GOLM2: variants seen among roughly 807,000 people sequenced by gnomAD.
GOLM2 encodes the protein golgi membrane protein 2, also known as protein GOLM2.
Under a neutral mutation model 55.9 loss-of-function variants are expected in GOLM2, and 26 were observed. The observed-to-expected ratio is 0.47, with a 90% CI of 0.34 to 0.65. The LOEUF is 0.65. Ranked by LOEUF, GOLM2 falls within the 30% of genes least tolerant of loss-of-function variation. The pLI, the probability that GOLM2 is intolerant of heterozygous loss-of-function variation, is 0.01. For synonymous variants in GOLM2, 165 were observed against 194.6 expected, an observed-to-expected ratio of 0.85 and a Z score of 1.27; for missense variants, 486 against 531.8, an observed-to-expected ratio of 0.91 and a Z score of 0.85.
At chr15:44,352,465 A>G (rs2079171085) in intron 6 of GOLM2, among the ~76,000 whole-genome samples, 1 of 152,184 alleles carries the variant, frequency 6.6e-6, no homozygotes, top group African/African-American at 2.4e-5. Flanking sequence ...CTATGAAACT[A>G]CTAAAAACAA....
chr15:44,289,224 G>A lies in GOLM2; in HGVS notation c.195G>A (p.Lys65=). 6.2e-7 allele frequency: 1 copy of A among 1,614,218 alleles called. No individual in the cohort carries two copies. The highest frequency in any genetic ancestry group is 1.1e-5 in the South Asian group (1 of 91,092). ...RTEVARGRLE[K]RNSDLLLLVD... is the part of the protein sequence containing the mutation. ...AAGTGGCCCGCGGGCGGCTGGAAAA[G>A]CGCAATTCGGACCTCTTGCTGTTGG... The change falls in exon 1 of 10, where the codon AAG becomes AAA. Residue 65 remains lysine (K), a synonymous_variant. Coordinates refer to ENST00000299957, the MANE Select transcript of GOLM2 (RefSeq NM_138423.4). This position sits in a 1 kb window ranked among gnomAD's most constrained non-coding sequence, Gnocchi z 4.8.
rs2078700120 is a variant in GOLM2 at position 44,288,982 on chromosome 15, T to G, written c.-48T>G. The G allele has an allele frequency of 6.5e-7, 1 of 1,528,346 alleles. No individual in the cohort carries two copies. The highest frequency in any genetic ancestry group is 8.9e-7 in the Non-Finnish European group (1 of 1,121,648). The allele number at this position is 1,528,346 out of a possible 1,614,324, so 94.7% of individuals were successfully genotyped here. ...TCCAGCCGAGGCCTGGGCTTCTGCC[T>G]GCAGGTGTCTGCGGCGAGGCCCCTA... On this transcript the variant is annotated 5_prime_UTR_variant, in exon 1 of 10. Coordinates refer to ENST00000299957, the MANE Select transcript of GOLM2 (RefSeq NM_138423.4).
rs989784244 is a variant in GOLM2, at chr15:44,289,548, C to T, written c.327+192C>T. Among the ~76,000 whole-genome samples, 15 of 152,120 alleles carry T rather than the reference C, an allele frequency of 9.9e-5. No individual in the cohort carries two copies. Among genetic ancestry groups the T allele is most frequent in the African/African-American group, 3.6e-4 (15 of 41,410 alleles). On this transcript the variant is annotated intron_variant, in intron 1 of 9. Coordinates refer to ENST00000299957, the MANE Select transcript of GOLM2 (RefSeq NM_138423.4). The surrounding 1 kb of genome is among the most constrained non-coding windows in gnomAD (Gnocchi z 4.8). ...CAGTGCCACGTTCTCTGGTCCCTGC[C>T]AGAAAAAAATGACTGTAAATTCTGG...
chr15:44,351,911 A>G (rs2079167651), intron 6 of GOLM2, among the ~76,000 whole-genome samples: 1 of 152,226 alleles, frequency 6.6e-6, no homozygotes, highest in Non-Finnish European at 1.5e-5. Flanking sequence ...CATTGGTGAA[A>G]GAAATTGAAG....
chr15:44,346,232 G>T, intron 6 of GOLM2: 1 of 151,770 alleles, frequency 6.6e-6, no homozygotes, highest in Admixed American at 6.6e-5. Flanking sequence ...ATTAGGTAGA[G>T]GTAATCTATT....
At chr15:44,378,314 C>T (rs1469225153) in intron 6 of GOLM2, among the ~76,000 whole-genome samples, 1 of 150,322 alleles carries the variant, frequency 6.7e-6, no homozygotes, top group Non-Finnish European at 1.5e-5. Flanking sequence ...CTCGGCTGCC[C>T]AAAGTGCTGG....
chr15:44,342,232 C>G (rs2079094938), intron 6 of GOLM2, among the ~76,000 whole-genome samples: 1 of 151,556 alleles, frequency 6.6e-6, no homozygotes. Context: ...TAAAGGCCTT[C>G]CTCTGGATTG....
intron 6 of GOLM2, among the ~76,000 whole-genome samples, chr15:44,342,793 T>C (rs1472895718): frequency 6.6e-6 from 1 of 152,214 alleles, no homozygotes; most frequent in Non-Finnish European, 1.5e-5. Flanking sequence ...GCCTTGCATA[T>C]AGCAGGGTCC....
chr15:44,405,814 G>A (rs1338106374), intron 9 of GOLM2, among the ~76,000 whole-genome samples: 1 of 151,950 alleles, frequency 6.6e-6, no homozygotes, highest in Non-Finnish European at 1.5e-5. Flanking sequence ...AGAGATGGGG[G>A]TTTCACCATG....
chr15:44,369,067 TTATATATA>T (rs58317520), intron 6 of GOLM2, among the ~76,000 whole-genome samples: 622 of 22,902 alleles, frequency 0.027, 37 homozygotes, highest in African/African-American at 0.077. Flanking sequence ...ATAGGATATA[TTATATATA>T]TATATATATA....
chr15:44,298,539 G>A (rs111627037), intron 1 of GOLM2, among the ~76,000 whole-genome samples: 7,873 of 151,344 alleles, frequency 0.052, 324 homozygotes, highest in East Asian at 0.19. Flanking sequence ...GCCTCCCAAA[G>A]TGCTGGGATT....
chr15:44,391,907 A>G (rs2079492769), intron 8 of GOLM2, among the ~76,000 whole-genome samples: 1 of 151,964 alleles, frequency 6.6e-6, no homozygotes, highest in Non-Finnish European at 1.5e-5. Context: ...CTGGAGTGCA[A>G]TGGCACAATC....
At chr15:44,369,067 T>C (rs868095057) in intron 6 of GOLM2, among the ~76,000 whole-genome samples, 3 of 22,960 alleles carry the variant, frequency 1.3e-4, no homozygotes, top group East Asian at 1.7e-3. Context: ...ATAGGATATA[T>C]TATATATATA....
At chr15:44,368,269 C>G (rs557333749) in intron 6 of GOLM2, among the ~76,000 whole-genome samples, 3 of 150,370 alleles carry the variant, frequency 2.0e-5, no homozygotes, top group African/African-American at 7.3e-5. Context: ...TCCCAAGTAG[C>G]TGGGATTACA....
At chr15:44,367,784 T>A (rs2079296016) in intron 6 of GOLM2, among the ~76,000 whole-genome samples, 1 of 148,230 alleles carries the variant, frequency 6.7e-6, no homozygotes, top group African/African-American at 2.6e-5. Context: ...ACGGAGACTC[T>A]GTCTCAAAAA....
chr15:44,412,466 A>G (rs538586564), intron 9 of GOLM2, among the ~76,000 whole-genome samples: 1 of 152,292 alleles, frequency 6.6e-6, no homozygotes, highest in East Asian at 1.9e-4. Flanking sequence ...TTTGGTTGTT[A>G]TACCCCATTT....
intron 8 of GOLM2, among the ~76,000 whole-genome samples, chr15:44,402,183 A>G (rs2079570015): frequency 6.6e-6 from 1 of 150,854 alleles, no homozygotes; most frequent in Non-Finnish European, 1.5e-5. Context: ...GGCCTGTTAT[A>G]GGTCAGTTTT....
intron 6 of GOLM2, among the ~76,000 whole-genome samples, chr15:44,367,836 T>C (rs2079296516): frequency 6.6e-6 from 1 of 152,134 alleles, no homozygotes; most frequent in Admixed American, 6.5e-5. Flanking sequence ...CTGGCCTTCA[T>C]TGTTTCTAAG....
At chr15:44,388,294 C>T (rs1348192459) in intron 8 of GOLM2, among the ~76,000 whole-genome samples, 2 of 134,466 alleles carry the variant, frequency 1.5e-5, no homozygotes, top group African/African-American at 5.8e-5. Flanking sequence ...AAAAAAAAAT[C>T]GTTAGTATTC....
Sources: allele counts gnomAD v4.1 joint callset (sites outside exome capture counted in the v4.1 genomes callset), GRCh38; gene constraint gnomAD v4.1.1; non-coding constraint Gnocchi (gnomAD v3.1); transcripts MANE v1.5; gene names NCBI Gene and HGNC (gene_info 2026-07-23, HGNC 2026-07-21).